SYT1: variants seen among roughly 807,000 people sequenced by gnomAD.
SYT1 encodes synaptotagmin-1.
Under a neutral mutation model 44.8 loss-of-function variants are expected in SYT1, and 8 were observed. That is an observed-to-expected ratio of 0.18 (90% CI 0.10 to 0.32). The LOEUF is 0.32. Ranked by LOEUF, SYT1 falls within the 10% of genes least tolerant of loss-of-function variation. The probability of loss-of-function intolerance (pLI) is 1.00; values close to 1 mark genes in which losing one functional copy is unlikely to be tolerated. For synonymous variants in SYT1, 154 were observed against 188.8 expected, an observed-to-expected ratio of 0.82 and a Z score of 1.51; for missense variants, 286 against 509.3, an observed-to-expected ratio of 0.56 and a Z score of 4.22.
intron 8 of SYT1, among the ~76,000 whole-genome samples, chr12:79,315,787 T>A (rs74110325): frequency 6.6e-6 from 1 of 152,172 alleles, no homozygotes. Flanking sequence ...CTAGGACATA[T>A]GCTAGCCAAT....
chr12:79,019,270 A>G (rs1291741616), intron 2 of SYT1, among the ~76,000 whole-genome samples: 3 of 152,014 alleles, frequency 2.0e-5, no homozygotes, highest in African/African-American at 7.2e-5. Context: ...ATTCATGAGT[A>G]TTCTTTTAAT....
At position 79,347,014 on chromosome 12, in the gene SYT1, TTTTG is replaced by T. The variant is rs141409826; in HGVS notation, c.811-6478_811-6475del. On this transcript the variant is annotated intron_variant, in intron 8 of 10. Coordinates refer to ENST00000261205, the MANE Select transcript of SYT1 (RefSeq NM_005639.3). ...GTGGGCTAGAATAGTAAGGAGGTTT[TTTTG>T]TTTGTTTGTGTGTTTGTTTTTTCTT... 4.3e-3 allele frequency among the ~76,000 whole-genome samples: 656 copies of T among 151,910 alleles called. 22 individuals are homozygous for T. The East Asian group carries it at 0.086, about 20-fold the overall frequency.
chr12:79,026,440 T>A (rs892175644), intron 2 of SYT1, among the ~76,000 whole-genome samples: 1 of 151,258 alleles, frequency 6.6e-6, no homozygotes, highest in Non-Finnish European at 1.5e-5. Flanking sequence ...ATTTAACATG[T>A]TCTTTCTTGA....
At chr12:79,227,619 T>C (rs1430899414) in intron 4 of SYT1, among the ~76,000 whole-genome samples, 3 of 152,192 alleles carry the variant, frequency 2.0e-5, no homozygotes, top group African/African-American at 7.2e-5. Flanking sequence ...GCTCTAGCCA[T>C]AGACTACAAG....
At chr12:79,174,134 A>G (rs751646249) in intron 3 of SYT1, among the ~76,000 whole-genome samples, 4 of 152,092 alleles carry the variant, frequency 2.6e-5, no homozygotes, top group Non-Finnish European at 2.9e-5. Flanking sequence ...TATGAAAATC[A>G]TTAGAATTTT....
chr12:79,299,515 G>A lies in SYT1; in HGVS notation c.774G>A (p.Glu258=), dbSNP rs761204530. 2 of 1,613,422 alleles carry A rather than the reference G, an allele frequency of 1.2e-6. No individual in the cohort carries two copies. Among genetic ancestry groups the A allele is most frequent in the South Asian group, 2.2e-5 (2 of 91,030 alleles). The change falls in exon 8 of 11, where the codon GAG becomes GAA. Residue 258 remains glutamate (E), a synonymous_variant. Coordinates refer to ENST00000261205, the MANE Select transcript of SYT1 (RefSeq NM_005639.3). ...CAGTGGATTTTGGCCATGTAACTGAGGAATGGCGTGACCTGCAAAGTGCTG... is the reference window on the plus strand; with the variant it reads ...CAGTGGATTTTGGCCATGTAACTGAAGAATGGCGTGACCTGCAAAGTGCTG... The part of the protein sequence containing the change: ...MNTVDFGHVT[E]EWRDLQSAEK...
chr12:79,414,419 A>G (rs998450827), intron 9 of SYT1, among the ~76,000 whole-genome samples: 1 of 152,112 alleles, frequency 6.6e-6, no homozygotes, highest in Non-Finnish European at 1.5e-5. Flanking sequence ...TGTTGTACTA[A>G]GCAGTTGGTA....
At chr12:79,398,130 T>C (rs1884940534) in intron 9 of SYT1, among the ~76,000 whole-genome samples, 1 of 152,180 alleles carries the variant, frequency 6.6e-6, no homozygotes, top group South Asian at 2.1e-4. Context: ...TCAGGAAAAG[T>C]GTTCAGTATG....
intron 4 of SYT1, among the ~76,000 whole-genome samples, chr12:79,235,622 T>A (rs919063470): frequency 2.0e-5 from 3 of 148,496 alleles, no homozygotes; most frequent in African/African-American, 7.3e-5. Flanking sequence ...AATATATATG[T>A]AATTAATATA....
chr12:79,364,155 T>C (rs1473341032), intron 9 of SYT1, among the ~76,000 whole-genome samples: 1 of 152,038 alleles, frequency 6.6e-6, no homozygotes, highest in Admixed American at 6.6e-5. Context: ...AACCAGACAA[T>C]GGAATTCTTA....
chr12:79,184,298 A>G (rs1872693755), intron 3 of SYT1, among the ~76,000 whole-genome samples: 1 of 152,088 alleles, frequency 6.6e-6, no homozygotes, highest in Non-Finnish European at 1.5e-5. Flanking sequence ...TTGTAGAACT[A>G]TATGACTAGA....
chr12:78,996,451 T>C (rs150088316), intron 2 of SYT1, among the ~76,000 whole-genome samples: 2,032 of 152,314 alleles, frequency 0.013, 51 homozygotes, highest in African/African-American at 0.047. Flanking sequence ...ATGGGAACTC[T>C]GCTAGGTGTC....
chr12:79,335,126 A>G (rs1882030627), intron 8 of SYT1, among the ~76,000 whole-genome samples: 1 of 152,136 alleles, frequency 6.6e-6, no homozygotes, highest in Non-Finnish European at 1.5e-5. Context: ...GCTTAATAGT[A>G]AATTCCATTC....
chr12:79,060,236 C>G (rs910773477), intron 3 of SYT1, among the ~76,000 whole-genome samples: 2 of 152,064 alleles, frequency 1.3e-5, no homozygotes, highest in Non-Finnish European at 2.9e-5. Flanking sequence ...TCCACGTCCC[C>G]AAACAAAACC....
At chr12:79,226,297 G>A (rs1875516879) in intron 4 of SYT1, among the ~76,000 whole-genome samples, 1 of 152,154 alleles carries the variant, frequency 6.6e-6, no homozygotes, top group Non-Finnish European at 1.5e-5. Context: ...CTCACTCAGA[G>A]CCAGCTATTA....
At chr12:79,014,495 A>G (rs1871661557) in intron 2 of SYT1, among the ~76,000 whole-genome samples, 1 of 152,162 alleles carries the variant, frequency 6.6e-6, no homozygotes, top group Non-Finnish European at 1.5e-5. Flanking sequence ...AGAAATGCAA[A>G]TCAAAACCAC....
chr12:79,058,068 G>T (rs967909293), intron 3 of SYT1, among the ~76,000 whole-genome samples: 2 of 151,942 alleles, frequency 1.3e-5, no homozygotes, highest in South Asian at 4.1e-4. Context: ...TTTAAGAAGT[G>T]AACAATTATT....
chr12:79,177,092 T>C (rs1397438641), intron 3 of SYT1, among the ~76,000 whole-genome samples: 1 of 137,190 alleles, frequency 7.3e-6, no homozygotes, highest in Non-Finnish European at 1.6e-5. Context: ...CATGTGCACA[T>C]TGTGCAGGTT....
At chr12:78,996,945 T>C (rs1304102826) in intron 2 of SYT1, among the ~76,000 whole-genome samples, 1 of 152,218 alleles carries the variant, frequency 6.6e-6, no homozygotes, top group East Asian at 1.9e-4. Flanking sequence ...ATCTCAGTGA[T>C]TTTTATCAAA....
Sources: gnomAD v4.1 joint callset for allele counts (sites outside exome capture counted in the v4.1 genomes callset) on GRCh38, gnomAD v4.1.1 for gene constraint, MANE v1.5 for transcripts, NCBI Gene and HGNC (gene_info 2026-07-23, HGNC 2026-07-21) for gene names.